Variants in AFAP1L2 observed in about 807,000 individuals in gnomAD.
AFAP1L2 encodes the protein actin filament associated protein 1 like 2, also known as actin filament-associated protein 1-like 2.
In AFAP1L2, 46 loss-of-function variants were observed where a neutral mutation model predicts 99.3. That is an observed-to-expected ratio of 0.46 (90% confidence interval 0.37 to 0.59). The LOEUF (loss-of-function observed/expected upper bound fraction) is 0.59, where lower values mean the gene tolerates loss of function less well. Ranked by LOEUF, AFAP1L2 falls within the 20% of genes least tolerant of loss-of-function variation. The probability of loss-of-function intolerance (pLI) is 0.00; values close to 1 mark genes in which losing one functional copy is unlikely to be tolerated. For synonymous variants in AFAP1L2, 397 were observed against 419.1 expected (o/e 0.95, Z 0.64); for missense variants, 959 against 1,034.9 (o/e 0.93, Z 1.01).
In AFAP1L2 at chr10:114,377,854, T is replaced by G. The variant is rs915023964; in HGVS notation, c.16+26586A>C. Among the ~76,000 whole-genome samples, 1 of 152,182 alleles carries G rather than the reference T, an allele frequency of 6.6e-6. No individual in the cohort carries two copies. The highest frequency in any genetic ancestry group is 1.5e-5 in the Non-Finnish European group (1 of 68,026). On this transcript the variant is annotated intron_variant, in intron 1 of 18. Coordinates refer to ENST00000304129, the MANE Select transcript of AFAP1L2 (RefSeq NM_001001936.3). The surrounding 1 kb of genome is among the most constrained non-coding windows in gnomAD (Gnocchi z 4.0). ...GTTCCATTTCCAAGGGAGACTGAAG[T>G]CCTCCATATGTCTGAGGGATTCTAC...
chr10:114,346,453 C>T (rs1393901772), intron 1 of AFAP1L2, among the ~76,000 whole-genome samples: 3 of 152,208 alleles, frequency 2.0e-5, no homozygotes, highest in Non-Finnish European at 4.4e-5. Flanking sequence ...CAGACACACC[C>T]TTTCGGGATC....
downstream of AFAP1L2, among the ~76,000 whole-genome samples, chr10:114,292,061 G>A (rs1589861072): frequency 1.3e-5 from 2 of 152,132 alleles, no homozygotes; most frequent in Admixed American, 6.5e-5. Context: ...TGGATCACCC[G>A]AGGTCAGGAG....
Position 114,404,423 on chromosome 10 carries a change from G to T in AFAP1L2, c.16+17C>A. The T allele has an allele frequency of 6.5e-7, 1 of 1,542,802 alleles. No individual in the cohort carries two copies. The highest frequency in any genetic ancestry group is 8.7e-7 in the Non-Finnish European group (1 of 1,146,082). On this transcript the variant is annotated intron_variant, in intron 1 of 18. Coordinates refer to ENST00000304129, the MANE Select transcript of AFAP1L2 (RefSeq NM_001001936.3). ...AAGGGAGTGGGTGTGCGCCGCGCGA[G>T]GAACCCGCGCCCTCACCTTTGTACC...
rs1416466254 is a variant in AFAP1L2, at chr10:114,299,419, C to T, written c.1958-4G>A. On this transcript the variant is annotated splice_region_variant and splice_polypyrimidine_tract_variant and intron_variant, in intron 15 of 18. Coordinates refer to ENST00000304129, the MANE Select transcript of AFAP1L2 (RefSeq NM_001001936.3). The stretch of plus-strand genomic sequence containing the variant: ...CGATTCTTGCCAAGCTTGATCTCTA[C>T]AGACCCAGAGAGGGAAGCCCCAGGT... 4 of 1,613,968 alleles carry T rather than the reference C, an allele frequency of 2.5e-6. No homozygotes were observed. Among genetic ancestry groups the T allele is most frequent in the Non-Finnish European group, 3.4e-6 (4 of 1,180,008 alleles).
Position 114,300,491 on chromosome 10 carries a change from G to T in AFAP1L2, c.1742C>A (p.Thr581Asn). 6.2e-7 allele frequency: 1 copy of T among 1,614,182 alleles called. No individual in the cohort carries two copies. The highest frequency in any genetic ancestry group is 1.1e-5 in the South Asian group (1 of 91,078). ...ACACTTTATGCAGGGCTCATCTGGG[G>T]TGGGACCTGGGCCTGAGTCTGCCGG... ...ALPADSGPGP[T>N]PDEPCIKCPE... The change falls in exon 14 of 19, where the codon ACC becomes AAC. Residue 581 changes from threonine to asparagine, a missense_variant. Thr to Asn is a moderately conservative substitution (Grantham distance 65). Transcript: ENST00000304129.
chr10:114,328,374 T>C (rs1451374763), intron 4 of AFAP1L2, among the ~76,000 whole-genome samples: 1 of 152,156 alleles, frequency 6.6e-6, no homozygotes, highest in African/African-American at 2.4e-5. Flanking sequence ...CTGCTGCAGG[T>C]GCCGGTGAGC....
intron 1 of AFAP1L2, among the ~76,000 whole-genome samples, chr10:114,360,493 A>ATAGATAGATAGT (rs2052121999): frequency 8.8e-6 from 1 of 113,846 alleles, no homozygotes; most frequent in African/African-American, 3.6e-5. Context: ...ATCTAGATAG[A>ATAGATAGATAGT]TAGATAGATA....
chr10:114,374,052 C>A (rs963491189), intron 1 of AFAP1L2, among the ~76,000 whole-genome samples: 1 of 152,094 alleles, frequency 6.6e-6, no homozygotes, highest in Admixed American at 6.5e-5. Flanking sequence ...AGAGTGACAA[C>A]ACACAGCCCC....
chr10:114,404,942 T>A (rs2058578059), upstream of AFAP1L2, among the ~76,000 whole-genome samples: 1 of 152,104 alleles, frequency 6.6e-6, no homozygotes, highest in Non-Finnish European at 1.5e-5. Context: ...TGAGACTGGC[T>A]TAGAGCTCCT....
chr10:114,285,936 C>T, the AFAP1L2 span: 1 of 1,584,482 alleles, frequency 6.3e-7, no homozygotes, highest in Non-Finnish European at 8.6e-7. Flanking sequence ...GTGATCCCCG[C>T]AGCCCTGAAG....
intron 1 of AFAP1L2, among the ~76,000 whole-genome samples, chr10:114,385,965 C>T (rs2056448259): frequency 6.6e-6 from 1 of 151,954 alleles, no homozygotes; most frequent in South Asian, 2.1e-4. Flanking sequence ...TGAGGATTCA[C>T]TGAGACAATG....
intron 12 of AFAP1L2, chr10:114,301,743 C>A (rs1030097006): frequency 8.4e-6 from 4 of 476,754 alleles, no homozygotes; most frequent in Admixed American, 3.3e-5. Context: ...TCTTCTCCCC[C>A]ATTCCTCCCT....
chr10:114,286,817 ATTG>A, the AFAP1L2 span, among the ~76,000 whole-genome samples: 2 of 152,248 alleles, frequency 1.3e-5, no homozygotes, highest in Non-Finnish European at 1.5e-5. Flanking sequence ...TCACGATTTT[ATTG>A]TTGTTGTTAC....
chr10:114,398,927 T>A, intron 1 of AFAP1L2: 2 of 1,304,306 alleles, frequency 1.5e-6, no homozygotes, highest in Non-Finnish European at 2.0e-6. Context: ...GAAATAAGGC[T>A]CAAGTCGGGA....
intron 4 of AFAP1L2, 74 bp from the exon 5 acceptor site, chr10:114,323,335 G>A (rs1408997763): frequency 7.3e-7 from 1 of 1,369,710 alleles, no homozygotes; most frequent in Non-Finnish European, 1.0e-6. Context: ...AACTCTTCGG[G>A]TGGAAGTCTA....
At chr10:114,396,416 G>C (rs1354612447) in intron 1 of AFAP1L2, among the ~76,000 whole-genome samples, 2 of 152,216 alleles carry the variant, frequency 1.3e-5, no homozygotes, top group African/African-American at 4.8e-5. Flanking sequence ...CCGCTGGCCT[G>C]GTGCAGTGAC....
At chr10:114,357,036 A>G (rs2051487070) in intron 1 of AFAP1L2, among the ~76,000 whole-genome samples, 1 of 152,244 alleles carries the variant, frequency 6.6e-6, no homozygotes, top group Non-Finnish European at 1.5e-5. Context: ...AAGCCCCATT[A>G]TATAAACAAG....
chr10:114,364,436 G>A (rs1003819138), intron 1 of AFAP1L2, among the ~76,000 whole-genome samples: 2 of 152,188 alleles, frequency 1.3e-5, no homozygotes, highest in African/African-American at 2.4e-5. Flanking sequence ...CCTGGTCCCT[G>A]GAGTTTGCTG....
downstream of AFAP1L2, among the ~76,000 whole-genome samples, chr10:114,291,846 T>C (rs1298596033): frequency 6.6e-6 from 1 of 152,208 alleles, no homozygotes; most frequent in East Asian, 1.9e-4. Flanking sequence ...TGGAAAGGTC[T>C]CAGACTGAAA....
Sources: gnomAD v4.1 joint callset for allele counts (sites outside exome capture counted in the v4.1 genomes callset) on GRCh38, gnomAD v4.1.1 for gene constraint, Gnocchi (gnomAD v3.1) non-coding constraint, MANE v1.5 for transcripts, NCBI Gene and HGNC (gene_info 2026-07-23, HGNC 2026-07-21) for gene names.